The following CACNA1I variants were observed in gnomAD, a reference collection of about 807,000 sequenced individuals.
CACNA1I encodes the protein calcium voltage-gated channel subunit alpha1 I.
CACNA1I carries 74 observed loss-of-function variants against 201.6 expected under a neutral mutation model. That is an observed-to-expected ratio of 0.37 (90% CI 0.30 to 0.45). The LOEUF (loss-of-function observed/expected upper bound fraction) is 0.45. CACNA1I is among the 20% of genes least tolerant of loss of function. The pLI, the probability that CACNA1I is intolerant of heterozygous loss-of-function variation, is 1.00. For missense variants in CACNA1I, 2,346 were observed against 3,138.1 expected (o/e 0.75, Z 6.03); for synonymous variants, 1,431 against 1,345.2 (o/e 1.06, Z -1.40).
chr22:39,634,372 T>C (rs1321744959), intron 4 of CACNA1I, among the ~76,000 whole-genome samples, 193 bp from the exon 5 acceptor site: 2 of 152,174 alleles, frequency 1.3e-5, no homozygotes, highest in Non-Finnish European at 2.9e-5. Flanking sequence ...GCCATTTCCA[T>C]GGCTTTTTCG....
At position 39,672,877 on chromosome 22, in the gene CACNA1I, C is replaced by A. The variant is rs1935412246; in HGVS notation, c.4650-72C>A. ...AGGGTCAGGACCTGGGAGGCTCCCC[C>A]CACTAAGGTGTGTCTGAACCAGAGG... On this transcript the variant is annotated intron_variant, in intron 27 of 36. Coordinates refer to ENST00000402142, the MANE Select transcript of CACNA1I (RefSeq NM_021096.4). 18 of 1,506,924 alleles carry A rather than the reference C, an allele frequency of 1.2e-5. 1 individual carries two copies. The South Asian group carries it at 2.2e-4, about 19-fold the overall frequency. 93.3% of individuals were successfully genotyped at this position (1,506,924 alleles called of 1,614,324 possible).
Position 39,662,001 on chromosome 22 carries a change from C to T in CACNA1I, c.2938C>T (p.Arg980Cys), listed in dbSNP as rs1177143187. 1 of 1,563,440 alleles carries T rather than the reference C, an allele frequency of 6.4e-7. No homozygotes were observed. Among genetic ancestry groups the T allele is most frequent in the South Asian group, 1.2e-5 (1 of 85,474 alleles). Residue 980 changes from arginine to cysteine, a missense_variant, in exon 17 of 37, where the codon CGC becomes TGC. Coordinates refer to ENST00000402142, the MANE Select transcript of CACNA1I (RefSeq NM_021096.4). ...GAGCTCCTACTACGGGCCATGGGGC[C>T]GCAGCGCGGCCTGGGCCAGCCGTCG... Reference protein sequence around the residue: ...SRSSYYGPWGRSAAWASRRSS... With the variant: ...SRSSYYGPWGCSAAWASRRSS...
intron 1 of CACNA1I, among the ~76,000 whole-genome samples, chr22:39,589,634 G>A (rs989500293): frequency 1.7e-4 from 26 of 152,196 alleles, no homozygotes; most frequent in African/African-American, 5.1e-4. Context: ...CACAGGCCAC[G>A]TATACAGCAG....
chr22:39,590,127 C>T (rs1261425173), intron 1 of CACNA1I, among the ~76,000 whole-genome samples: 2 of 152,176 alleles, frequency 1.3e-5, no homozygotes, highest in East Asian at 1.9e-4. Context: ...CCGGGCACTG[C>T]CCCTCCACAC....
At chr22:39,661,899 G>T in intron 16 of CACNA1I, 66 bp from the exon 17 acceptor site, 1 of 1,116,634 alleles carries the variant, frequency 9.0e-7, no homozygotes, top group Non-Finnish European at 1.2e-6. Flanking sequence ...GGCTGCCTTT[G>T]GGCACCTGGT....
chr22:39,634,756 CG>C (rs2146412554), intron 5 of CACNA1I, 32 bp downstream of exon 5: 1 of 1,600,832 alleles, frequency 6.2e-7, no homozygotes, highest in Non-Finnish European at 8.5e-7. Flanking sequence ...CATGCAGCTC[CG>C]GGGACTCTTA....
intron 3 of CACNA1I, among the ~76,000 whole-genome samples, chr22:39,614,628 C>T (rs1601461432): frequency 6.6e-6 from 1 of 152,236 alleles, no homozygotes; most frequent in African/African-American, 2.4e-5. Context: ...CCTGAACCAA[C>T]CATGGTGGCC....
At chr22:39,682,863 C>T (rs971741357) in intron 35 of CACNA1I, among the ~76,000 whole-genome samples, 1 of 152,036 alleles carries the variant, frequency 6.6e-6, no homozygotes, top group Non-Finnish European at 1.5e-5. Flanking sequence ...CCAAATAGTA[C>T]AAAAAGATGA....
chr22:39,583,084 CAATCCGTCCATT>C (rs1932622367), intron 1 of CACNA1I, among the ~76,000 whole-genome samples: 3 of 128,652 alleles, frequency 2.3e-5, no homozygotes, highest in Admixed American at 7.5e-5. Context: ...ATCCATCCAA[CAATCCGTCCATT>C]CATCCATCCA....
intron 3 of CACNA1I, among the ~76,000 whole-genome samples, chr22:39,614,876 G>A (rs1933486084): frequency 6.6e-6 from 1 of 152,250 alleles, no homozygotes; most frequent in African/African-American, 2.4e-5. Flanking sequence ...CAGGATGGAA[G>A]TGCTCTCTTT....
intron 3 of CACNA1I, among the ~76,000 whole-genome samples, chr22:39,615,717 T>C (rs763650226): frequency 6.6e-6 from 1 of 152,268 alleles, no homozygotes. Context: ...GCAGCTACTA[T>C]GTTTCTTCTT....
rs1258462611 is a variant in CACNA1I at position 39,682,557 on chromosome 22, T to G, written c.5726T>G (p.Leu1909Trp). 1.2e-6 allele frequency: 2 copies of G among 1,613,788 alleles called. No homozygotes were observed. Among genetic ancestry groups the G allele is most frequent in the South Asian group, 2.2e-5 (2 of 91,078 alleles). Reference protein sequence around the residue: ...VGDLGECFFPLSSTAVSPDPE... With the variant: ...VGDLGECFFPWSSTAVSPDPE... ...GACCTGGGCGAATGCTTCTTCCCCT[T>G]GTCCTCTACGGCCGTCTCGCCGGAT... Residue 1909 changes from leucine to tryptophan, a missense_variant, in exon 35 of 37, where the codon TTG (leucine) becomes TGG (tryptophan). Coordinates refer to ENST00000402142, the MANE Select transcript of CACNA1I (RefSeq NM_021096.4).
chr22:39,646,136 C>T (rs935295544), intron 7 of CACNA1I, among the ~76,000 whole-genome samples: 3 of 152,150 alleles, frequency 2.0e-5, no homozygotes, highest in Admixed American at 6.5e-5. Context: ...CTGCCTGGGC[C>T]GTCGCTTTCT....
chr22:39,672,499 T>C (rs1023747808), intron 27 of CACNA1I, among the ~76,000 whole-genome samples, 191 bp downstream of exon 27: 4 of 152,152 alleles, frequency 2.6e-5, no homozygotes, highest in Non-Finnish European at 5.9e-5. Flanking sequence ...CTGATGGGCG[T>C]AGGGCATTCT....
chr22:39,585,477 C>A (rs1428937783), intron 1 of CACNA1I, among the ~76,000 whole-genome samples: 1 of 146,380 alleles, frequency 6.8e-6, no homozygotes, highest in Non-Finnish European at 1.5e-5. Flanking sequence ...GCAGCCTCTT[C>A]CTCCCGATTT....
In CACNA1I at chr22:39,670,243, C is replaced by T. The variant is rs1234676388; in HGVS notation, c.4387+13C>T. Reference sequence around the variant, plus strand: ...AAGAAGCGCCGGAGTGAGTGGGTGCCTGTGGAGGGCGTGGGCCACCCAGCT... The same window carrying T: ...AAGAAGCGCCGGAGTGAGTGGGTGCTTGTGGAGGGCGTGGGCCACCCAGCT... On this transcript the variant is annotated intron_variant, in intron 25 of 36. Coordinates refer to ENST00000402142, the MANE Select transcript of CACNA1I (RefSeq NM_021096.4). The T allele has an allele frequency of 6.2e-7, 1 of 1,608,468 alleles. No individual in the cohort carries two copies. Among genetic ancestry groups the T allele is most frequent in the Middle Eastern group, 1.8e-4 (1 of 5,598 alleles).
At position 39,598,246 on chromosome 22, in the gene CACNA1I, G is replaced by T; in HGVS notation, c.332G>T (p.Arg111Leu). Residue 111 changes from arginine to leucine, a missense_variant, in exon 2 of 37, where the codon CGC (arginine) becomes CTC (leucine). By Grantham distance (102) the Arg-to-Leu change is moderately radical. Around this residue, in one of 13 missense-constraint regions of CACNA1I, gnomAD observed 130 missense variants for 160.7 expected, o/e 0.81. Transcript: ENST00000402142. Reference protein sequence around the residue: ...PCDDMDCLSDRCKILQVFDDF... With the variant: ...PCDDMDCLSDLCKILQVFDDF... ...GACGACATGGACTGCCTGTCCGACC[G>T]CTGCAAGATCCTGCAGGTGAGCCGG... 2 of 1,595,868 alleles carry T rather than the reference G, an allele frequency of 1.3e-6. No homozygotes were observed. The highest frequency in any genetic ancestry group is 8.5e-7 in the Non-Finnish European group (1 of 1,171,734).
At chr22:39,579,040 C>A (rs569773528) in intron 1 of CACNA1I, among the ~76,000 whole-genome samples, 2 of 152,358 alleles carry the variant, frequency 1.3e-5, no homozygotes, top group Admixed American at 1.3e-4. Flanking sequence ...GGGCCCTGCC[C>A]TTCTGTCCTC....
At position 39,677,969 on chromosome 22, in the gene CACNA1I, C is replaced by A; in HGVS notation, c.4934-18C>A. ...GCACTCCGCCATCGGGCAGGGCTGA[C>A]CTCCTCCCCGCTTCCAGTCTGCAAC... On this transcript the variant is annotated intron_variant, in intron 30 of 36. Coordinates refer to ENST00000402142, the MANE Select transcript of CACNA1I (RefSeq NM_021096.4). The surrounding 1 kb of genome is among the most constrained non-coding windows in gnomAD (Gnocchi z 4.8). The A allele has an allele frequency of 6.4e-7, 1 of 1,573,868 alleles. No homozygotes were observed. The highest frequency in any genetic ancestry group is 8.6e-7 in the Non-Finnish European group (1 of 1,160,636).
Sources: gnomAD v4.1 joint callset for allele counts (sites outside exome capture counted in the v4.1 genomes callset) on GRCh38, gnomAD v4.1.1 for gene constraint, gnomAD v4.1.1 regional missense constraint, Gnocchi (gnomAD v3.1) non-coding constraint, MANE v1.5 for transcripts, NCBI Gene and HGNC (gene_info 2026-07-23, HGNC 2026-07-21) for gene names.